Variants in VPS13D observed in about 807,000 individuals in gnomAD.
VPS13D encodes intermembrane lipid transfer protein VPS13D.
A neutral mutation model predicts 461.9 loss-of-function variants in VPS13D; 187 were observed. The observed-to-expected ratio is 0.40, with a 90% CI of 0.36 to 0.46. VPS13D has a LOEUF of 0.46. Among genes scored for constraint, VPS13D ranks in the 20% least tolerant of loss-of-function variants. The pLI is 0.60. For missense variants in VPS13D, 4,711 were observed against 5,364.9 expected (o/e 0.88, Z 3.81); for synonymous variants, 1,951 against 1,986.3 (o/e 0.98, Z 0.47).
At chr1:12,404,178 A>C (rs1026050893) in intron 63 of VPS13D, among the ~76,000 whole-genome samples, 4 of 152,010 alleles carry the variant, frequency 2.6e-5, no homozygotes, top group Non-Finnish European at 4.4e-5. Context: ...AAAAAAAAAA[A>C]AAAACGAAAC....
At chr1:12,288,371 T>C (rs1371606356) in intron 22 of VPS13D, 58 bp downstream of exon 22, 3 of 1,451,106 alleles carry the variant, frequency 2.1e-6, no homozygotes, top group Admixed American at 1.7e-5. Context: ...CATTTGAACA[T>C]TGTGATCACA....
intron 26 of VPS13D, among the ~76,000 whole-genome samples, chr1:12,306,173 A>T (rs1017534060): frequency 5.9e-5 from 9 of 151,968 alleles, no homozygotes; most frequent in African/African-American, 2.2e-4. Flanking sequence ...TTTAGTAGAG[A>T]TGGGGTTTCA....
In VPS13D at chr1:12,379,590, C is replaced by G. The variant is rs201339134; in HGVS notation, c.11184C>G (p.Val3728=). The G allele has an allele frequency of 1.9e-6, 3 of 1,612,112 alleles. No individual in the cohort carries two copies. The highest frequency in any genetic ancestry group is 1.3e-5 in the African/African-American group (1 of 74,790). The change falls in exon 57 of 70, where the codon GTC becomes GTG. Residue 3728 remains valine (V), a synonymous_variant. Transcript: ENST00000620676. The stretch of plus-strand genomic sequence containing the variant: ...TGACCTGTGGGTTACATGGGTTGGT[C>G]GTCCAGGTCAGTCGTTTTTGATCCC... The part of the protein sequence containing the change: ...GKLTCGLHGL[V]VQAKGGLSGL...
At position 12,252,554 on chromosome 1, in the gene VPS13D, C is replaced by T. The variant is rs1445218777; in HGVS notation, c.565-1168C>T. On this transcript the variant is annotated intron_variant, in intron 6 of 69. Coordinates refer to ENST00000620676, the MANE Select transcript of VPS13D (RefSeq NM_015378.4). ...TGGGAGGCCGAGGCGGGCAGATCGC[C>T]TGAGTTCAGGAGTTCAAGACCAGTC... is the stretch of plus-strand genomic sequence containing the variant. 2.0e-5 allele frequency among the ~76,000 whole-genome samples: 3 copies of T among 152,008 alleles called. No individual in the cohort carries two copies. The South Asian group carries it at 6.2e-4, about 32-fold the overall frequency.
At chr1:12,345,663 T>C (rs1053312400) in intron 43 of VPS13D, among the ~76,000 whole-genome samples, 154 bp downstream of exon 43, 2 of 152,226 alleles carry the variant, frequency 1.3e-5, no homozygotes. Flanking sequence ...GTAATCAATA[T>C]GTAGATAAGC....
At chr1:12,474,761 G>A (rs1187535917) in intron 67 of VPS13D, among the ~76,000 whole-genome samples, 2 of 152,114 alleles carry the variant, frequency 1.3e-5, no homozygotes, top group African/African-American at 4.8e-5. Context: ...AAATTTAACT[G>A]TTGCCTTTTG....
intron 6 of VPS13D, among the ~76,000 whole-genome samples, chr1:12,253,176 T>A (rs1429511584): frequency 6.6e-6 from 1 of 150,684 alleles, no homozygotes; most frequent in Non-Finnish European, 1.5e-5. Flanking sequence ...AAAAAAAAAA[T>A]TCTGTATAAC....
Position 12,279,612 on chromosome 1 carries a change from A to G in VPS13D, c.4564A>G (p.Ile1522Val), listed in dbSNP as rs1219643103. 1.3e-5 allele frequency: 21 copies of G among 1,612,674 alleles called. No homozygotes were observed. The East Asian group carries it at 4.5e-4, about 34-fold the overall frequency. The change falls in exon 20 of 70, where the codon ATC (isoleucine) becomes GTC (valine). Residue 1522 changes from isoleucine (I) to valine (V), a missense_variant. Coordinates refer to ENST00000620676, the MANE Select transcript of VPS13D (RefSeq NM_015378.4). The surrounding 1 kb of genome is among the most constrained non-coding windows in gnomAD (Gnocchi z 4.3). Reference protein sequence around the residue: ...LSPDDLGTSSIMKIEGKFVNP... With the variant: ...LSPDDLGTSSVMKIEGKFVNP... ...CCCAGATGACCTGGGAACTTCTAGCATCATGAAGATTGAAGGAAAATTTGT... is the reference window on the plus strand; with the variant it reads ...CCCAGATGACCTGGGAACTTCTAGCGTCATGAAGATTGAAGGAAAATTTGT...
chr1:12,230,423 G>A (rs1639925051), intron 1 of VPS13D, among the ~76,000 whole-genome samples: 1 of 152,078 alleles, frequency 6.6e-6, no homozygotes, highest in Non-Finnish European at 1.5e-5. Context: ...GAACCCCGAC[G>A]TCCGTGTCCT....
At chr1:12,385,636 T>C (rs532753364) in intron 59 of VPS13D, among the ~76,000 whole-genome samples, 37 of 152,330 alleles carry the variant, frequency 2.4e-4, no homozygotes, top group African/African-American at 8.2e-4. Context: ...TTCAGTAAGA[T>C]TTAAGACAAA....
intron 55 of VPS13D, among the ~76,000 whole-genome samples, chr1:12,377,937 A>G (rs754072614): frequency 1.1e-4 from 17 of 152,110 alleles, no homozygotes; most frequent in Admixed American, 2.6e-4. Flanking sequence ...TCAATATAGT[A>G]CGCTTTCCTT....
At chr1:12,446,286 G>T (rs1440631619) in intron 65 of VPS13D, among the ~76,000 whole-genome samples, 2 of 151,968 alleles carry the variant, frequency 1.3e-5, no homozygotes, top group Non-Finnish European at 2.9e-5. Context: ...GCATGGTGTC[G>T]CGTGCCTGTA....
At chr1:12,351,349 A>T (rs28806228) in intron 46 of VPS13D, among the ~76,000 whole-genome samples, 5 of 152,272 alleles carry the variant, frequency 3.3e-5, no homozygotes, top group African/African-American at 1.2e-4. Flanking sequence ...GGAGTGCAAG[A>T]GTGCAGTCTT....
intron 32 of VPS13D, among the ~76,000 whole-genome samples, chr1:12,321,196 CAG>C (rs994131117): frequency 2.0e-5 from 3 of 152,122 alleles, no homozygotes; most frequent in South Asian, 2.1e-4. Flanking sequence ...ACAAAGTAAA[CAG>C]AATAATATAA....
chr1:12,345,563 G>A (rs2101583108), intron 43 of VPS13D, 54 bp downstream of exon 43: 2 of 1,574,834 alleles, frequency 1.3e-6, no homozygotes, highest in East Asian at 2.3e-5. Context: ...AAGTCAGATG[G>A]TTAAGCCTGT....
chr1:12,403,808 T>A lies in VPS13D; in HGVS notation c.11882-17T>A. The A allele has an allele frequency of 1.3e-6, 2 of 1,569,040 alleles. No individual in the cohort carries two copies. Among genetic ancestry groups the A allele is most frequent in the Non-Finnish European group, 1.7e-6 (2 of 1,161,242 alleles). On this transcript the variant is annotated splice_polypyrimidine_tract_variant and intron_variant, in intron 62 of 69. Coordinates refer to ENST00000620676, the MANE Select transcript of VPS13D (RefSeq NM_015378.4). ...AAGAAATTCTTTTTTGTTTTTTTAATTCTTCCTTTGTACCAGAGGTGGAAA... is the reference window on the plus strand; with the variant it reads ...AAGAAATTCTTTTTTGTTTTTTTAAATCTTCCTTTGTACCAGAGGTGGAAA...
At chr1:12,256,594 A>G (rs1640929118) in intron 8 of VPS13D, 91 bp downstream of exon 8, 1 of 1,438,654 alleles carries the variant, frequency 7.0e-7, no homozygotes, top group Non-Finnish European at 9.5e-7. Context: ...AGCAGGAAAG[A>G]AAGTTCATGT....
rs1175762252 is a variant in VPS13D at position 12,510,442 on chromosome 1, A to G, written c.*1418A>G. 6.6e-6 allele frequency: 1 copy of G among 152,234 alleles called. No homozygotes were observed. The highest frequency in any genetic ancestry group is 1.5e-5 in the Non-Finnish European group (1 of 68,100). The allele number at this position is 152,234 out of a possible 1,614,324, so 9.4% of individuals were successfully genotyped here. A position where few individuals can be genotyped will look rare whatever the true frequency, so the allele number is the denominator to read the frequency against. ...TGGAAGGTTTTGGTGTTTATAACTC[A>G]TGACCCAAATCCTTCCAAGACACAA... On this transcript the variant is annotated 3_prime_UTR_variant, in exon 70 of 70. Coordinates refer to ENST00000620676, the MANE Select transcript of VPS13D (RefSeq NM_015378.4).
Position 12,495,703 on chromosome 1 carries a change from G to A in VPS13D, c.12663-1797G>A, listed in dbSNP as rs1645947850. On this transcript the variant is annotated intron_variant, in intron 67 of 69. Coordinates refer to ENST00000620676, the MANE Select transcript of VPS13D (RefSeq NM_015378.4). The surrounding 1 kb of genome is among the most constrained non-coding windows in gnomAD (Gnocchi z 4.0). ...GTCTGAATCAAACCTTACGTTGAAAGTGATGAGGAAGCAGACCCTGCCATA... is the reference window on the plus strand; with the variant it reads ...GTCTGAATCAAACCTTACGTTGAAAATGATGAGGAAGCAGACCCTGCCATA... 6.6e-6 allele frequency among the ~76,000 whole-genome samples: 1 copy of A among 152,208 alleles called. No individual in the cohort carries two copies.
Sources: gnomAD v4.1 joint callset for allele counts (sites outside exome capture counted in the v4.1 genomes callset) on GRCh38, gnomAD v4.1.1 for gene constraint, Gnocchi (gnomAD v3.1) non-coding constraint, MANE v1.5 for transcripts, NCBI Gene and HGNC (gene_info 2026-07-23, HGNC 2026-07-21) for gene names.